The following OR2G6 variants were observed in gnomAD, a reference collection of about 807,000 sequenced individuals.
The protein encoded by OR2G6 is olfactory receptor family 2 subfamily G member 6.
For synonymous variants in OR2G6, 183 were observed against 155.2 expected, an observed-to-expected ratio of 1.18 and a Z score of -1.33; for missense variants, 457 against 391.3, an observed-to-expected ratio of 1.17 and a Z score of -1.42.
At chr1:248,519,489 A>T (rs1337156136) in intron 1 of OR2G6, among the ~76,000 whole-genome samples, 1 of 151,604 alleles carries the variant, frequency 6.6e-6, no homozygotes, top group African/African-American at 2.4e-5. Flanking sequence ...TCTTTAATCT[A>T]TCTTGAGTTA....
Position 248,521,976 on chromosome 1 carries a change from T to G in OR2G6, c.330T>G (p.Ser110=). 1 of 1,614,190 alleles carries G rather than the reference T, an allele frequency of 6.2e-7. No individual in the cohort carries two copies. The highest frequency in any genetic ancestry group is 8.5e-7 in the Non-Finnish European group (1 of 1,180,016). ...QLYVAMGLGS[S]ECILLAVMAY... ...ATGTGGCCATGGGGTTGGGCTCGTC[T>G]GAGTGTATTCTCTTGGCCGTCATGG... The change falls in exon 2 of 2, where the codon TCT becomes TCG. Residue 110 remains serine, a synonymous_variant. Coordinates refer to ENST00000641804, the MANE Select transcript of OR2G6 (RefSeq NM_001013355.2).
In OR2G6 at chr1:248,524,527, A is replaced by G. The variant is rs1664355913; in HGVS notation, c.*1930A>G. On this transcript the variant is annotated 3_prime_UTR_variant, in exon 2 of 2. Transcript: ENST00000641804. Reference sequence around the variant, plus strand: ...GATAACCCGAGCAACACAGCATAGGAAAGAATGTACCTGTGTCAGAGTCTC... The same window carrying G: ...GATAACCCGAGCAACACAGCATAGGGAAGAATGTACCTGTGTCAGAGTCTC... 1 of 152,226 alleles carries G rather than the reference A, an allele frequency of 6.6e-6. No homozygotes were observed. The allele number at this position is 152,226 out of a possible 1,614,324, so 9.4% of individuals were successfully genotyped here.
At chr1:248,510,389 CTGTT>C (rs1461550534) in intron 1 of OR2G6, among the ~76,000 whole-genome samples, 1 of 139,518 alleles carries the variant, frequency 7.2e-6, no homozygotes, top group South Asian at 2.3e-4. Flanking sequence ...CCTTAGCACT[CTGTT>C]TGACCCAGCC....
At chr1:248,519,651 G>T (rs1443347409) in intron 1 of OR2G6, among the ~76,000 whole-genome samples, 3 of 152,068 alleles carry the variant, frequency 2.0e-5, no homozygotes, top group African/African-American at 4.8e-5. Context: ...TAGATGTGCG[G>T]TGTTATTTCC....
rs577523857 is a variant in OR2G6 at position 248,526,758 on chromosome 1, A to G, written c.*4161A>G. The G allele has an allele frequency of 6.6e-6, 1 of 152,304 alleles. No individual in the cohort carries two copies. Among genetic ancestry groups the G allele is most frequent in the South Asian group, 2.1e-4 (1 of 4,822 alleles). 9.4% of individuals were successfully genotyped at this position (152,304 alleles called of 1,614,324 possible). ...ATTTCTCTGATGGCCAGTGATAATG[A>G]GCATTTTTTCATGTGGCTGTGGGCT... On this transcript the variant is annotated 3_prime_UTR_variant, in exon 2 of 2. Transcript: ENST00000641804.
At chr1:248,520,741 G>T (rs1664264644) in intron 1 of OR2G6, among the ~76,000 whole-genome samples, 1 of 151,620 alleles carries the variant, frequency 6.6e-6, no homozygotes, top group Non-Finnish European at 1.5e-5. Flanking sequence ...AGGCACAGTG[G>T]CTCACGCCTA....
At chr1:248,521,096 G>A (rs1034561827) in intron 1 of OR2G6, among the ~76,000 whole-genome samples, 6 of 146,702 alleles carry the variant, frequency 4.1e-5, no homozygotes, top group Non-Finnish European at 6.0e-5. Context: ...GGTGGCACAC[G>A]CCTGTAGTCT....
chr1:248,520,039 G>C (rs533310893), intron 1 of OR2G6, among the ~76,000 whole-genome samples: 1 of 152,268 alleles, frequency 6.6e-6, no homozygotes, highest in African/African-American at 2.4e-5. Context: ...GCCCATCAAT[G>C]ATAGACTGGA....
chr1:248,522,704 A>C lies in OR2G6; in HGVS notation c.*107A>C, dbSNP rs1227104119. The C allele has an allele frequency of 9.9e-6, 7 of 709,036 alleles. No individual in the cohort carries two copies. The highest frequency in any genetic ancestry group is 6.1e-4 in the Middle Eastern group (2 of 3,256). 43.9% of individuals were successfully genotyped at this position (709,036 alleles called of 1,614,324 possible). A position where few individuals can be genotyped will look rare whatever the true frequency, so the allele number is the denominator to read the frequency against. Reference sequence around the variant, plus strand: ...CCCAAAGCCACAGGGACTAGGAAGCATTGGAATTCTAAAGAAGGGAAACAC... The same window carrying C: ...CCCAAAGCCACAGGGACTAGGAAGCCTTGGAATTCTAAAGAAGGGAAACAC... On this transcript the variant is annotated 3_prime_UTR_variant, in exon 2 of 2. Transcript: ENST00000641804.
chr1:248,522,316 G>C lies in OR2G6; in HGVS notation c.670G>C (p.Ala224Pro), dbSNP rs1413857052. 1 of 1,614,160 alleles carries C rather than the reference G, an allele frequency of 6.2e-7. No individual in the cohort carries two copies. Among genetic ancestry groups the C allele is most frequent in the South Asian group, 1.1e-5 (1 of 91,078 alleles). Residue 224 changes from alanine to proline, a missense_variant, in exon 2 of 2, where the codon GCT (alanine) becomes CCT (proline). Transcript: ENST00000641804. ...ILVSYGFITQAVLRIKSAAGR... is the reference protein window; with the variant it reads ...ILVSYGFITQPVLRIKSAAGR... ...AGTCTCCTATGGCTTTATCACTCAA[G>C]CTGTGTTAAGGATAAAATCAGCTGC...
intron 1 of OR2G6, among the ~76,000 whole-genome samples, chr1:248,520,873 A>T (rs866062837): frequency 1.9e-3 from 252 of 133,366 alleles, no homozygotes; most frequent in African/African-American, 8.2e-3. Flanking sequence ...TATATATAAA[A>T]ATATATATAT....
intron 1 of OR2G6, 126 bp from the exon 2 acceptor site, chr1:248,521,475 TTTATGTTGAG>T (rs1572067397): frequency 1.9e-6 from 1 of 537,928 alleles, no homozygotes; most frequent in East Asian, 2.9e-5. Flanking sequence ...CGCCCATGGA[TTTATGTTGAG>T]GAAAGTTCTA....
In OR2G6 at chr1:248,521,983, A is replaced by G. The variant is rs1375063622; in HGVS notation, c.337A>G (p.Ile113Val). The change falls in exon 2 of 2, where the codon ATT becomes GTT. Residue 113 changes from isoleucine (I) to valine (V), a missense_variant. Physicochemically the swap from Ile to Val is conservative, Grantham distance 29. Transcript: ENST00000641804. ...VAMGLGSSEC[I>V]LLAVMAYDRY... ...CATGGGGTTGGGCTCGTCTGAGTGT[A>G]TTCTCTTGGCCGTCATGGCTTATGA... 3.1e-6 allele frequency: 5 copies of G among 1,614,080 alleles called. No individual in the cohort carries two copies. Among genetic ancestry groups the G allele is most frequent in the Non-Finnish European group, 4.2e-6 (5 of 1,180,006 alleles).
rs1572069567 is a variant in OR2G6 at position 248,524,958 on chromosome 1, A to G, written c.*2361A>G. 6.6e-6 allele frequency: 1 copy of G among 152,138 alleles called. No individual in the cohort carries two copies. The highest frequency in any genetic ancestry group is 1.5e-5 in the Non-Finnish European group (1 of 68,028). 9.4% of individuals were successfully genotyped at this position (152,138 alleles called of 1,614,324 possible). On this transcript the variant is annotated 3_prime_UTR_variant, in exon 2 of 2. Coordinates refer to ENST00000641804, the MANE Select transcript of OR2G6 (RefSeq NM_001013355.2). ...AGATGAAAATGGGAACACATTTGAA[A>G]ATAAAATCCTGTTACTACTTTCTTG...
In OR2G6 at chr1:248,522,314, A is replaced by AT. The variant is rs1664308341; in HGVS notation, c.668_669insT (p.Gln223HisfsTer43). 1.2e-6 allele frequency: 2 copies of AT among 1,613,974 alleles called. No individual in the cohort carries two copies. Among genetic ancestry groups the AT allele is most frequent in the African/African-American group, 1.3e-5 (1 of 74,904 alleles). On this transcript the variant is annotated frameshift_variant, in exon 2 of 2. Transcript: ENST00000641804. LOFTEE classifies it low-confidence loss of function (END_TRUNC). ...TTAGTCTCCTATGGCTTTATCACTC[A>AT]AGCTGTGTTAAGGATAAAATCAGCT...
Sources: allele counts gnomAD v4.1 joint callset (sites outside exome capture counted in the v4.1 genomes callset), GRCh38; gene constraint gnomAD v4.1.1; transcripts MANE v1.5; gene names NCBI Gene and HGNC (gene_info 2026-07-23, HGNC 2026-07-21).